TBC1D1: variants seen among roughly 807,000 people sequenced by gnomAD.
TBC1D1 encodes TBC1 (tre-2/USP6, BUB2, cdc16) domain family, member 1.
Under a neutral mutation model 125.6 loss-of-function variants are expected in TBC1D1, and 89 were observed. That is an observed-to-expected ratio of 0.71 (90% CI 0.60 to 0.85). TBC1D1 has a LOEUF of 0.85. TBC1D1 is among the 40% of genes least tolerant of loss of function. The probability of loss-of-function intolerance (pLI) is 0.00; values close to 1 mark genes in which losing one functional copy is unlikely to be tolerated. For missense variants in TBC1D1, 1,377 were observed against 1,469.2 expected, an observed-to-expected ratio of 0.94 and a Z score of 1.03; for synonymous variants, 565 against 564.1, an observed-to-expected ratio of 1.00 and a Z score of -0.02.
chr4:38,118,801 C>T (rs1406056122), intron 17 of TBC1D1, among the ~76,000 whole-genome samples: 3 of 152,250 alleles, frequency 2.0e-5, no homozygotes, highest in African/African-American at 7.2e-5. Context: ...CCCGTGCCCC[C>T]GCTGTTAACC....
chr4:37,978,679 G>T, intron 2 of TBC1D1, among the ~76,000 whole-genome samples: 1 of 128,580 alleles, frequency 7.8e-6, no homozygotes, highest in Admixed American at 7.4e-5. Flanking sequence ...CATTCCATTA[G>T]AATCACTTCC....
chr4:38,124,318 G>T (rs1247186226), intron 17 of TBC1D1, among the ~76,000 whole-genome samples: 2 of 152,126 alleles, frequency 1.3e-5, no homozygotes, highest in Non-Finnish European at 2.9e-5. Context: ...CTCTTATTCT[G>T]CAGTCTGTAT....
chr4:38,137,185 G>C lies in TBC1D1; in HGVS notation c.3357G>C (p.Leu1119=). Residue 1119 remains leucine, a synonymous_variant, in exon 20 of 20, where the codon CTG becomes CTC. Transcript: ENST00000261439. ...TTGAGGCCACCATTGAGAAGCTCCT[G>C]AGCAGTGAGAGCAAGCTGAAGCAGG... 1 of 1,613,306 alleles carries C rather than the reference G, an allele frequency of 6.2e-7. No individual in the cohort carries two copies. Among genetic ancestry groups the C allele is most frequent in the African/African-American group, 1.3e-5 (1 of 75,014 alleles).
intron 2 of TBC1D1, among the ~76,000 whole-genome samples, chr4:37,921,222 C>T (rs938448811): frequency 6.6e-6 from 1 of 150,474 alleles, no homozygotes; most frequent in Admixed American, 6.6e-5. Context: ...TCTGGCAGTG[C>T]GGGTGGTCAC....
At chr4:38,122,466 C>G (rs1008500064) in intron 17 of TBC1D1, among the ~76,000 whole-genome samples, 12 of 152,202 alleles carry the variant, frequency 7.9e-5, no homozygotes, top group African/African-American at 2.9e-4. Context: ...GCACACCTCC[C>G]TGTATTGACA....
At chr4:37,971,919 C>T (rs1419159904) in intron 2 of TBC1D1, among the ~76,000 whole-genome samples, 1 of 152,166 alleles carries the variant, frequency 6.6e-6, no homozygotes, top group Non-Finnish European at 1.5e-5. Context: ...GTAGTTACTT[C>T]ATTCTTTATC....
At chr4:38,121,105 A>G (rs1233604525) in intron 17 of TBC1D1, among the ~76,000 whole-genome samples, 1 of 152,166 alleles carries the variant, frequency 6.6e-6, no homozygotes, top group African/African-American at 2.4e-5. Flanking sequence ...ATGCCGCGTG[A>G]TGATGAGTGT....
intron 15 of TBC1D1, among the ~76,000 whole-genome samples, chr4:38,106,211 G>A (rs1334386641): frequency 3.9e-5 from 6 of 152,126 alleles, no homozygotes; most frequent in Non-Finnish European, 8.8e-5. Flanking sequence ...CACTAGCACC[G>A]CCATCTCATG....
chr4:38,085,285 C>G lies in TBC1D1; in HGVS notation c.2051-4647C>G, dbSNP rs556365059. 4.6e-5 allele frequency among the ~76,000 whole-genome samples: 7 copies of G among 152,294 alleles called. No homozygotes were observed. The South Asian group carries it at 1.5e-3, about 32-fold the overall frequency. On this transcript the variant is annotated intron_variant, in intron 12 of 19. Coordinates refer to ENST00000261439, the MANE Select transcript of TBC1D1 (RefSeq NM_015173.4). ...CTGAATTATGACTGGTTTTAAAATT[C>G]TTAGAACCCATTGGAGGCTATTGTT... is the stretch of plus-strand genomic sequence containing the variant.
At chr4:38,086,644 A>G (rs1459990265) in intron 12 of TBC1D1, among the ~76,000 whole-genome samples, 2 of 152,208 alleles carry the variant, frequency 1.3e-5, no homozygotes, top group East Asian at 3.8e-4. Flanking sequence ...TCAGGCAGCT[A>G]ACAACAGTAT....
chr4:38,105,638 T>C (rs190051869), intron 15 of TBC1D1, among the ~76,000 whole-genome samples: 7 of 152,268 alleles, frequency 4.6e-5, no homozygotes, highest in Non-Finnish European at 8.8e-5. Context: ...CTCATCTTTA[T>C]GTCCATGTGT....
At chr4:38,116,604 T>TAGGA (rs1763024505) in intron 16 of TBC1D1, among the ~76,000 whole-genome samples, 2 of 152,230 alleles carry the variant, frequency 1.3e-5, no homozygotes, top group African/African-American at 4.8e-5. Flanking sequence ...GCCGAGTTCC[T>TAGGA]AGTTTCTGAA....
intron 2 of TBC1D1, among the ~76,000 whole-genome samples, chr4:37,927,026 T>C (rs1722271039): frequency 6.6e-6 from 1 of 151,952 alleles, no homozygotes; most frequent in Non-Finnish European, 1.5e-5. Context: ...GGCTGAGACA[T>C]GAGAGTCACT....
chr4:37,943,603 T>C (rs189131146), intron 2 of TBC1D1, among the ~76,000 whole-genome samples: 1 of 152,358 alleles, frequency 6.6e-6, no homozygotes, highest in Admixed American at 6.5e-5. Context: ...CAATCACTGA[T>C]ATCCTTTCTT....
At chr4:38,070,454 A>G (rs1754515047) in intron 12 of TBC1D1, among the ~76,000 whole-genome samples, 1 of 152,224 alleles carries the variant, frequency 6.6e-6, no homozygotes, top group South Asian at 2.1e-4. Flanking sequence ...GAGGCCTCAC[A>G]CGCTCCTGCA....
intron 6 of TBC1D1, among the ~76,000 whole-genome samples, chr4:38,027,301 A>G (rs151231561): frequency 4.6e-5 from 7 of 152,364 alleles, no homozygotes; most frequent in African/African-American, 1.7e-4. Context: ...GAAGATGATG[A>G]CAAAGATAAC....
At chr4:37,958,720 G>C (rs1012550008) in intron 2 of TBC1D1, among the ~76,000 whole-genome samples, 1 of 152,182 alleles carries the variant, frequency 6.6e-6, no homozygotes, top group Non-Finnish European at 1.5e-5. Flanking sequence ...AATAAAAAAT[G>C]AATGTGTCGG....
At chr4:38,084,059 T>TC (rs1439001595) in intron 12 of TBC1D1, among the ~76,000 whole-genome samples, 2 of 150,492 alleles carry the variant, frequency 1.3e-5, no homozygotes, top group African/African-American at 4.9e-5. Flanking sequence ...TGCCTCAGCC[T>TC]CCCAAGTAGC....
intron 2 of TBC1D1, among the ~76,000 whole-genome samples, chr4:38,000,555 G>C (rs1738843271): frequency 6.6e-6 from 1 of 152,036 alleles, no homozygotes; most frequent in Non-Finnish European, 1.5e-5. Context: ...TGGATTTTTG[G>C]GCTAGGGATC....
Sources: allele counts gnomAD v4.1 joint callset (sites outside exome capture counted in the v4.1 genomes callset), GRCh38; gene constraint gnomAD v4.1.1; transcripts MANE v1.5; gene names NCBI Gene and HGNC (gene_info 2026-07-23, HGNC 2026-07-21).